The following CHST11 variants were observed in gnomAD, a reference collection of about 807,000 sequenced individuals.
CHST11 encodes the protein C4S-1.
CHST11 carries 9 observed loss-of-function variants against 30.4 expected under a neutral mutation model. That is an observed-to-expected ratio of 0.30 (90% CI 0.18 to 0.52). The LOEUF (loss-of-function observed/expected upper bound fraction) is 0.52. Ranked by LOEUF, CHST11 falls within the 20% of genes least tolerant of loss-of-function variation. The pLI is 0.97. For missense variants in CHST11, 348 were observed against 460.6 expected (o/e 0.76, Z 2.24); for synonymous variants, 152 against 187.8 (o/e 0.81, Z 1.56).
rs144293624 is a variant in CHST11 at position 104,648,597 on chromosome 12, G to A, written c.204+46606G>A. Among the ~76,000 whole-genome samples, 962 of 152,234 alleles carry A rather than the reference G, an allele frequency of 6.3e-3. 5 individuals carry two copies. Among genetic ancestry groups the A allele is most frequent in the African/African-American group, 0.021 (892 of 41,548 alleles). ...GGTTGAGGCAGGTGGATCACTTGCG[G>A]TCAGGAGTTCGAGACCAGCCTGGCT... On this transcript the variant is annotated intron_variant, in intron 2 of 2. Transcript: ENST00000303694.
intron 1 of CHST11, among the ~76,000 whole-genome samples, chr12:104,557,747 C>G (rs757190202): frequency 1.3e-5 from 2 of 151,988 alleles, no homozygotes. Flanking sequence ...GGAAGAGAGG[C>G]GAGGAAACCA....
intron 1 of CHST11, among the ~76,000 whole-genome samples, chr12:104,476,277 TGTA>T (rs1234687543): frequency 9.3e-5 from 14 of 150,052 alleles, no homozygotes; most frequent in Admixed American, 6.0e-4. Flanking sequence ...TATGTACACA[TGTA>T]GTATATACAC....
intron 1 of CHST11, among the ~76,000 whole-genome samples, chr12:104,506,980 T>C (rs1701156996): frequency 6.6e-6 from 1 of 152,032 alleles, no homozygotes; most frequent in South Asian, 2.1e-4. Flanking sequence ...GCTGGAGACA[T>C]TGCTGCAGAC....
At chr12:104,581,557 G>A (rs1406264491) in intron 1 of CHST11, among the ~76,000 whole-genome samples, 1 of 152,192 alleles carries the variant, frequency 6.6e-6, no homozygotes, top group Non-Finnish European at 1.5e-5. Flanking sequence ...TTGATTTAAA[G>A]GAACACTGCC....
At chr12:104,709,783 G>A (rs1021059940) in intron 2 of CHST11, among the ~76,000 whole-genome samples, 22 of 152,218 alleles carry the variant, frequency 1.4e-4, no homozygotes, top group African/African-American at 2.4e-4. Flanking sequence ...GGGTAACAGC[G>A]AAAGTGGGTG....
intron 1 of CHST11, among the ~76,000 whole-genome samples, chr12:104,562,205 G>A (rs1477632202): frequency 6.6e-6 from 1 of 152,162 alleles, no homozygotes; most frequent in East Asian, 1.9e-4. Context: ...CAGAAATACG[G>A]GTCACCACGG....
chr12:104,566,834 G>A (rs1317675556), intron 1 of CHST11, among the ~76,000 whole-genome samples: 1 of 152,034 alleles, frequency 6.6e-6, no homozygotes, highest in Non-Finnish European at 1.5e-5. Context: ...TCTCTGTGCT[G>A]AACCTGAATG....
intron 1 of CHST11, among the ~76,000 whole-genome samples, chr12:104,573,202 A>G (rs1227107724): frequency 1.3e-5 from 2 of 152,224 alleles, no homozygotes; most frequent in African/African-American, 2.4e-5. Flanking sequence ...GCTCAATGAA[A>G]TAAAAGAGGA....
chr12:104,664,982 C>T lies in CHST11; in HGVS notation c.204+62991C>T, dbSNP rs146254614. ...TACAGTAATGAATGTGGCCAACACC[C>T]GGGCTATTCAGGAAGAGAGAGTGGC... On this transcript the variant is annotated intron_variant, in intron 2 of 2. Coordinates refer to ENST00000303694, the MANE Select transcript of CHST11 (RefSeq NM_018413.6). Among the ~76,000 whole-genome samples the T allele has an allele frequency of 1.3e-3, 198 of 152,296 alleles. 1 individual carries two copies. Among genetic ancestry groups the T allele is most frequent in the African/African-American group, 4.4e-3 (183 of 41,544 alleles).
chr12:104,656,966 A>G (rs1027648462), intron 2 of CHST11, among the ~76,000 whole-genome samples: 3 of 151,910 alleles, frequency 2.0e-5, no homozygotes, highest in African/African-American at 2.4e-5. Flanking sequence ...AAGGCACAGC[A>G]TGCTGGGAAA....
chr12:104,607,571 TCTCTGAAGACACAGCACACTTC>T (rs1200996680), intron 2 of CHST11, among the ~76,000 whole-genome samples: 1 of 152,032 alleles, frequency 6.6e-6, no homozygotes, highest in Non-Finnish European at 1.5e-5. Flanking sequence ...TTGAGTCCGG[TCTCTGAAGACACAGCACACTTC>T]CCCATGTTAA....
At chr12:104,742,399 G>A (rs2040354441) in intron 2 of CHST11, among the ~76,000 whole-genome samples, 1 of 152,040 alleles carries the variant, frequency 6.6e-6, no homozygotes, top group African/African-American at 2.4e-5. Flanking sequence ...AAGCCACCCG[G>A]GACTGCTCAG....
At chr12:104,521,475 G>A (rs76446266) in intron 1 of CHST11, among the ~76,000 whole-genome samples, 2 of 152,110 alleles carry the variant, frequency 1.3e-5, no homozygotes, top group African/African-American at 2.4e-5. Context: ...GTCGTTTTAC[G>A]TCTTTATTTT....
At chr12:104,587,432 C>G (rs185027359) in intron 1 of CHST11, among the ~76,000 whole-genome samples, 2 of 152,146 alleles carry the variant, frequency 1.3e-5, no homozygotes, top group East Asian at 3.9e-4. Flanking sequence ...GGGTCTCAAG[C>G]GGTTGCCCAG....
At chr12:104,728,694 C>T (rs1004166241) in intron 2 of CHST11, among the ~76,000 whole-genome samples, 5 of 152,196 alleles carry the variant, frequency 3.3e-5, no homozygotes. Context: ...CCTTGATCCT[C>T]CTGAAGTCCC....
rs2038001652 is a variant in CHST11 at position 104,514,480 on chromosome 12, TC to T, written c.118+56953del. ...ACCTGCCTGTCCCTGCTGCTACGACTCCATACCATTACTGGTGCTGGGATGT... is the reference window on the plus strand; with the variant it reads ...ACCTGCCTGTCCCTGCTGCTACGACTCATACCATTACTGGTGCTGGGATGT... On this transcript the variant is annotated intron_variant, in intron 1 of 2. Coordinates refer to ENST00000303694, the MANE Select transcript of CHST11 (RefSeq NM_018413.6). The T allele has an allele frequency of 5.6e-6, 4 of 714,164 alleles. No individual in the cohort carries two copies. The Admixed American group carries it at 5.9e-5, about 11-fold the overall frequency. The allele number at this position is 714,164 out of a possible 1,614,324, so 44.2% of individuals were successfully genotyped here.
intron 2 of CHST11, among the ~76,000 whole-genome samples, chr12:104,708,962 G>C (rs1471757650): frequency 6.6e-6 from 1 of 152,162 alleles, no homozygotes; most frequent in African/African-American, 2.4e-5. Context: ...TGAATGTAGG[G>C]AAAGAGAAAG....
At chr12:104,509,126 T>C (rs1434208454) in intron 1 of CHST11, among the ~76,000 whole-genome samples, 3 of 152,236 alleles carry the variant, frequency 2.0e-5, no homozygotes, top group Non-Finnish European at 2.9e-5. Flanking sequence ...TGGGAGGTCA[T>C]TGAACCATGG....
chr12:104,531,864 C>A (rs537512975), intron 1 of CHST11, among the ~76,000 whole-genome samples: 1 of 152,326 alleles, frequency 6.6e-6, no homozygotes, highest in African/African-American at 2.4e-5. Context: ...GATCCAAGAC[C>A]AGACCATGAC....
Sources: gnomAD v4.1 joint callset for allele counts (sites outside exome capture counted in the v4.1 genomes callset) on GRCh38, gnomAD v4.1.1 for gene constraint, MANE v1.5 for transcripts, NCBI Gene and HGNC (gene_info 2026-07-23, HGNC 2026-07-21) for gene names.